The following LTBP4 variants were observed in gnomAD, a reference collection of about 807,000 sequenced individuals.
LTBP4 encodes latent transforming growth factor beta binding protein 4.
In LTBP4, 93 loss-of-function variants were observed where a neutral mutation model predicts 180.2. The ratio of observed to expected loss-of-function variants is 0.52; its 90% CI spans 0.44 to 0.61. The LOEUF is 0.61. Ranked by LOEUF, LTBP4 falls within the 20% of genes least tolerant of loss-of-function variation. LTBP4 has a pLI of 0.00. For synonymous variants in LTBP4, 947 were observed against 934.5 expected, an observed-to-expected ratio of 1.01 and a Z score of -0.24; for missense variants, 2,116 against 2,256.5, an observed-to-expected ratio of 0.94 and a Z score of 1.26.
At chr19:40,620,247 TG>T (rs1184013428) in intron 22 of LTBP4, among the ~76,000 whole-genome samples, 2 of 111,748 alleles carry the variant, frequency 1.8e-5, no homozygotes, top group Non-Finnish European at 3.6e-5. Context: ...TTTTTTTAAA[TG>T]TTTTTTTTTT....
intron 21 of LTBP4, among the ~76,000 whole-genome samples, 193 bp downstream of exon 21, chr19:40,617,418 CA>C (rs2081558130): frequency 6.6e-6 from 1 of 152,092 alleles, no homozygotes; most frequent in Admixed American, 6.6e-5. Flanking sequence ...CCGAGGCGGG[CA>C]GATCACTTGA....
rs1284457818 is a variant in LTBP4, at chr19:40,617,213, C to T, written c.3058C>T (p.Arg1020Cys). The stretch of plus-strand genomic sequence containing the variant: ...GGGTTACGAGGGGGCACGGGATGGG[C>T]GTCACTGCGTGGGTACGGGACTTCA... ...DQGYEGARDG[R>C]HCVDVNECET... The change falls in exon 21 of 30, where the codon CGT becomes TGT. Residue 1020 changes from arginine (R) to cysteine (C), a missense_variant. By Grantham distance (180) the Arg-to-Cys change is radical. Coordinates refer to ENST00000396819, the MANE Select transcript of LTBP4 (RefSeq NM_001042545.2). The T allele has an allele frequency of 8.7e-6, 14 of 1,613,330 alleles. No individual in the cohort carries two copies. Among genetic ancestry groups the T allele is most frequent in the East Asian group, 2.2e-5 (1 of 44,862 alleles).
In LTBP4 at chr19:40,622,562, G is replaced by A; in HGVS notation, c.3379G>A (p.Asp1127Asn). The A allele has an allele frequency of 6.2e-7, 1 of 1,613,926 alleles. No individual in the cohort carries two copies. Residue 1127 changes from aspartate to asparagine, a missense_variant, in exon 23 of 30, where the codon GAC (aspartate) becomes AAC (asparagine). Around this residue, in one of 5 missense-constraint regions of LTBP4, gnomAD observed 278 missense variants for 373.0 expected, o/e 0.75. Coordinates refer to ENST00000396819, the MANE Select transcript of LTBP4 (RefSeq NM_001042545.2). The surrounding 1 kb of genome is among the most constrained non-coding windows in gnomAD (Gnocchi z 5.1). ...YFDTAAPDAC[D>N]NILARNVTWQ... The stretch of plus-strand genomic sequence containing the variant: ...TGACACAGCGGCCCCGGATGCATGT[G>A]ACAACATCCTGGCTCGGAATGTGAC...
chr19:40,627,364 T>G lies in LTBP4; in HGVS notation c.4366+9T>G. The G allele has an allele frequency of 1.3e-6, 2 of 1,487,448 alleles. No individual in the cohort carries two copies. The highest frequency in any genetic ancestry group is 1.8e-6 in the Non-Finnish European group (2 of 1,121,950). The allele number at this position is 1,487,448 out of a possible 1,614,324, so 92.1% of individuals were successfully genotyped here. ...AGGTGGAAGCTATGCTGGTGAGCAC[T>G]GCCAGCGCATGATGAGACTGAGATG... On this transcript the variant is annotated intron_variant, in intron 28 of 29. Transcript: ENST00000396819.
At chr19:40,620,277 C>T (rs1302322655) in intron 22 of LTBP4, among the ~76,000 whole-genome samples, 2 of 146,628 alleles carry the variant, frequency 1.4e-5, no homozygotes, top group Non-Finnish European at 3.0e-5. Flanking sequence ...GTCGTACTTT[C>T]ACCCAGGCCG....
upstream of LTBP4, among the ~76,000 whole-genome samples, chr19:40,596,869 A>C (rs1599855189): frequency 6.6e-6 from 1 of 151,774 alleles, no homozygotes. Context: ...AGCTTAGGGG[A>C]CCCTGCCCCC....
rs374064719 is a variant in LTBP4 at position 40,613,513 on chromosome 19, C to G, written c.2541C>G (p.Arg847=). The G allele has an allele frequency of 1.9e-6, 3 of 1,572,424 alleles. No individual in the cohort carries two copies. Among genetic ancestry groups the G allele is most frequent in the African/African-American group, 1.4e-5 (1 of 74,028 alleles). Reference sequence around the variant, plus strand: ...CCCCTGGCTACCGACCCGGACCCCGCGGAGCCTCTTGCCTCGGTTCGTACC... The same window carrying G: ...CCCCTGGCTACCGACCCGGACCCCGGGGAGCCTCTTGCCTCGGTTCGTACC... ...TCAPGYRPGP[R]GASCLDVDEC... Residue 847 remains arginine, a synonymous_variant, in exon 17 of 30, where the codon CGC becomes CGG. Coordinates refer to ENST00000396819, the MANE Select transcript of LTBP4 (RefSeq NM_001042545.2). This position sits in a 1 kb window ranked among gnomAD's most constrained non-coding sequence, Gnocchi z 5.0.
At chr19:40,597,470 C>T, upstream of LTBP4, 2 of 1,339,760 alleles carry the variant, frequency 1.5e-6, no homozygotes, top group Non-Finnish European at 1.9e-6. Context: ...GAAACTCGAA[C>T]CCACTGCTTC....
chr19:40,601,624 C>A lies in LTBP4; in HGVS notation c.237C>A (p.Pro79=). The stretch of plus-strand genomic sequence containing the variant: ...CCGGCGGGGCGGCCCCGGGGGGACC[C>A]GGCTTCCGCGCCTGTGAGTGCGGGG... The part of the protein sequence containing the change: ...GAPGGAAPGG[P]GFRAFLCPLI... The change falls in exon 1 of 30, where the codon CCC becomes CCA. Residue 79 remains proline (P), a synonymous_variant. Coordinates refer to ENST00000396819, the MANE Select transcript of LTBP4 (RefSeq NM_001042545.2). 7.3e-7 allele frequency: 1 copy of A among 1,370,754 alleles called. No homozygotes were observed. 84.9% of individuals were successfully genotyped at this position (1,370,754 alleles called of 1,614,324 possible).
At chr19:40,599,344 G>A (rs1286021701), upstream of LTBP4, 3 of 1,610,918 alleles carry the variant, frequency 1.9e-6, no homozygotes, top group East Asian at 6.7e-5. Context: ...CCTCATCCCA[G>A]TGGGAGAGCT....
chr19:40,626,709 T>G (rs1271090528), intron 27 of LTBP4, among the ~76,000 whole-genome samples: 1 of 152,062 alleles, frequency 6.6e-6, no homozygotes, highest in African/African-American at 2.4e-5. Flanking sequence ...CCATCTAATT[T>G]CTTCAGGTCC....
Position 40,611,183 on chromosome 19 carries a change from G to A in LTBP4, c.1842G>A (p.Leu614=). ...DVDECTQSPG[L]CGRGACKNLP... ...ATGAATGCACCCAGAGCCCAGGCCTGTGTGGCCGAGGGGCCTGCAAGAACC... is the reference window on the plus strand; with the variant it reads ...ATGAATGCACCCAGAGCCCAGGCCTATGTGGCCGAGGGGCCTGCAAGAACC... The change falls in exon 13 of 30, where the codon CTG becomes CTA. Residue 614 remains leucine (L), a synonymous_variant. Transcript: ENST00000396819. The surrounding 1 kb of genome is among the most constrained non-coding windows in gnomAD (Gnocchi z 4.4). The A allele has an allele frequency of 6.2e-7, 1 of 1,613,590 alleles. No individual in the cohort carries two copies. Among genetic ancestry groups the A allele is most frequent in the South Asian group, 1.1e-5 (1 of 91,064 alleles).
intron 4 of LTBP4, 24 bp from the exon 5 acceptor site, chr19:40,606,209 C>T (rs1192455215): frequency 1.3e-6 from 2 of 1,566,004 alleles, no homozygotes; most frequent in East Asian, 2.4e-5. Context: ...CTGTCCCTGG[C>T]CCACCCCTCT....
At position 40,609,910 on chromosome 19, in the gene LTBP4, G is replaced by A. The variant is rs377260452; in HGVS notation, c.1684+39G>A. 7.8e-5 allele frequency: 116 copies of A among 1,492,006 alleles called. 1 individual carries two copies. The East Asian group carries it at 1.2e-3, about 15-fold the overall frequency. 92.4% of individuals were successfully genotyped at this position (1,492,006 alleles called of 1,614,324 possible). The stretch of plus-strand genomic sequence containing the variant: ...CCCACCCGGCTCCAGGCCCACCCCA[G>A]GGTCTCGCTCCTGCTCTCACTCCAG... On this transcript the variant is annotated intron_variant, in intron 11 of 29. Coordinates refer to ENST00000396819, the MANE Select transcript of LTBP4 (RefSeq NM_001042545.2). The surrounding 1 kb of genome is among the most constrained non-coding windows in gnomAD (Gnocchi z 4.9).
At position 40,622,932 on chromosome 19, in the gene LTBP4, G is replaced by T; in HGVS notation, c.3485-18G>T. 6.2e-7 allele frequency: 1 copy of T among 1,612,058 alleles called. No homozygotes were observed. On this transcript the variant is annotated intron_variant, in intron 23 of 29. Coordinates refer to ENST00000396819, the MANE Select transcript of LTBP4 (RefSeq NM_001042545.2). This position sits in a 1 kb window ranked among gnomAD's most constrained non-coding sequence, Gnocchi z 5.1. ...CTGGGGCTCTGGTGTCCTGGCTCAGGCTTGTCTCTGTGTGTAGCTGAGTAC... is the reference window on the plus strand; with the variant it reads ...CTGGGGCTCTGGTGTCCTGGCTCAGTCTTGTCTCTGTGTGTAGCTGAGTAC...
At chr19:40,619,559 A>C in intron 22 of LTBP4, 66 bp downstream of exon 22, 1 of 1,502,838 alleles carries the variant, frequency 6.7e-7, no homozygotes, top group Non-Finnish European at 9.0e-7. Context: ...TGGTCTAATC[A>C]TTCCTGATGT....
At position 40,606,523 on chromosome 19, in the gene LTBP4, A is replaced by G. The variant is rs768088974; in HGVS notation, c.988A>G (p.Ile330Val). 143 of 1,564,202 alleles carry G rather than the reference A, an allele frequency of 9.1e-5. No homozygotes were observed. The highest frequency in any genetic ancestry group is 1.2e-4 in the Non-Finnish European group (143 of 1,155,550). The stretch of plus-strand genomic sequence containing the variant: ...GCTCGACTCGTCCCGCAGCAGCTGC[A>G]TCTGTGAGCAACCAGCAGGGAGCTG... ...FLLDSSRSSC[I>V]SQHVISEAKG... is the part of the protein sequence containing the mutation. Residue 330 changes from isoleucine (I) to valine (V), a missense_variant, in exon 6 of 30, where the codon ATC becomes GTC. By Grantham distance (29) the Ile-to-Val change is conservative (BLOSUM62 3). This residue lies in a region of LTBP4 where 469 missense variants were observed against 532.5 expected (regional missense o/e 0.88). Transcript: ENST00000396819.
In LTBP4 at chr19:40,608,485, C is replaced by A; in HGVS notation, c.1308C>A (p.Gly436=). ...TLPATSRPSA[G]FLPTHRLEPR... ...TCGTTGATACCCCTTCTTTATCAGGCTTTCTGCCCACCCATCGCCTGGAGC... is the reference window on the plus strand; with the variant it reads ...TCGTTGATACCCCTTCTTTATCAGGATTTCTGCCCACCCATCGCCTGGAGC... Residue 436 remains glycine, a splice_region_variant and synonymous_variant, in exon 9 of 30, where the codon GGC becomes GGA. Transcript: ENST00000396819. The A allele has an allele frequency of 6.2e-7, 1 of 1,601,548 alleles. No homozygotes were observed. Among genetic ancestry groups the A allele is most frequent in the Non-Finnish European group, 8.5e-7 (1 of 1,174,386 alleles).
chr19:40,617,062 G>A (rs370498648), intron 20 of LTBP4, 38 bp from the exon 21 acceptor site: 3 of 1,613,468 alleles, frequency 1.9e-6, no homozygotes, highest in African/African-American at 2.7e-5. Context: ...GGAGATGGTA[G>A]AAGGTCCAGA....
Sources: allele counts gnomAD v4.1 joint callset (sites outside exome capture counted in the v4.1 genomes callset), GRCh38; gene constraint gnomAD v4.1.1; regional missense constraint gnomAD v4.1.1; non-coding constraint Gnocchi (gnomAD v3.1); transcripts MANE v1.5; gene names NCBI Gene and HGNC (gene_info 2026-07-23, HGNC 2026-07-21).